Variants in SLC24A3 observed in about 807,000 individuals in gnomAD.
The protein encoded by SLC24A3 is sodium/potassium/calcium exchanger 3.
A neutral mutation model predicts 75.8 loss-of-function variants in SLC24A3; 28 were observed. The observed-to-expected ratio is 0.37, with a 90% CI of 0.27 to 0.51. SLC24A3 has a LOEUF of 0.51. SLC24A3 is among the 20% of genes least tolerant of loss of function. The pLI, the probability that SLC24A3 is intolerant of heterozygous loss-of-function variation, is 0.94. For synonymous variants in SLC24A3, 372 were observed against 334.1 expected (o/e 1.11, Z -1.24); for missense variants, 663 against 847.8 (o/e 0.78, Z 2.71).
chr20:19,260,856 C>G (rs1041438967), intron 1 of SLC24A3, among the ~76,000 whole-genome samples: 5 of 152,220 alleles, frequency 3.3e-5, no homozygotes, highest in African/African-American at 9.6e-5. Context: ...TGGACCGACA[C>G]GCTCCTCTTA....
At chr20:19,381,554 C>T (rs1986182239) in intron 2 of SLC24A3, among the ~76,000 whole-genome samples, 1 of 152,206 alleles carries the variant, frequency 6.6e-6, no homozygotes, top group Admixed American at 6.5e-5. Flanking sequence ...AAGGGGTGCC[C>T]TCCACTGTGT....
intron 2 of SLC24A3, among the ~76,000 whole-genome samples, chr20:19,360,194 C>A (rs1475999685): frequency 6.6e-6 from 1 of 152,196 alleles, no homozygotes; most frequent in Non-Finnish European, 1.5e-5. Flanking sequence ...TTGGGTTTTG[C>A]TGATACCATC....
At chr20:19,667,354 T>C (rs996125518) in intron 8 of SLC24A3, among the ~76,000 whole-genome samples, 2 of 152,178 alleles carry the variant, frequency 1.3e-5, no homozygotes, top group Admixed American at 1.3e-4. Flanking sequence ...GAGAACCTCC[T>C]TGTTATATCA....
In SLC24A3 at chr20:19,402,324, C is replaced by T. The variant is rs1045152249; in HGVS notation, c.272-113164C>T. Among the ~76,000 whole-genome samples the T allele has an allele frequency of 4.6e-5, 7 of 152,224 alleles. No homozygotes were observed. The East Asian group carries it at 7.7e-4, about 17-fold the overall frequency. On this transcript the variant is annotated intron_variant, in intron 2 of 16. Coordinates refer to ENST00000328041, the MANE Select transcript of SLC24A3 (RefSeq NM_020689.4). ...TTTCTCTCCAGCCTTTTTCCCCTAACGATTACAGGAATGTGAGTGAAGGAT... is the reference window on the plus strand; with the variant it reads ...TTTCTCTCCAGCCTTTTTCCCCTAATGATTACAGGAATGTGAGTGAAGGAT...
chr20:19,720,950 C>T (rs2033098727), intron 16 of SLC24A3, 41 bp from the exon 17 acceptor site: 1 of 1,608,444 alleles, frequency 6.2e-7, no homozygotes, highest in Non-Finnish European at 8.5e-7. Flanking sequence ...AAGGCTGCTG[C>T]CTCCTCCTGG....
intron 2 of SLC24A3, among the ~76,000 whole-genome samples, chr20:19,339,587 A>G (rs1423720825): frequency 6.6e-6 from 1 of 152,232 alleles, no homozygotes; most frequent in Admixed American, 6.5e-5. Context: ...TGCATTTCAC[A>G]TTGCCTCCCA....
rs1245038921 is a variant in SLC24A3 at position 19,279,332 on chromosome 20, G to A, written c.143-1627G>A. Reference sequence around the variant, plus strand: ...GGCAACTTTGGACATTCAAGAGGCAGCATTGCCTCAGGTCCCTTCTTCAGT... The same window carrying A: ...GGCAACTTTGGACATTCAAGAGGCAACATTGCCTCAGGTCCCTTCTTCAGT... On this transcript the variant is annotated intron_variant, in intron 1 of 16. Transcript: ENST00000328041. 2.6e-5 allele frequency among the ~76,000 whole-genome samples: 4 copies of A among 152,324 alleles called. No individual in the cohort carries two copies. The East Asian group carries it at 7.7e-4, about 29-fold the overall frequency.
intron 16 of SLC24A3, among the ~76,000 whole-genome samples, chr20:19,718,504 A>G (rs2180583): frequency 0.75 from 113,899 of 152,122 alleles, 42,927 homozygotes; most frequent in East Asian, 0.96. Context: ...ACTAAGATCA[A>G]CCTATTATAC....
At chr20:19,378,180 A>G (rs2064443) in intron 2 of SLC24A3, among the ~76,000 whole-genome samples, 75,436 of 151,922 alleles carry the variant, frequency 0.5, 19,050 homozygotes, top group Middle Eastern at 0.6. Flanking sequence ...TAGGTTGAGC[A>G]TGGTCACAAT....
chr20:19,604,792 C>T (rs1195946922), intron 6 of SLC24A3, among the ~76,000 whole-genome samples: 1 of 152,184 alleles, frequency 6.6e-6, no homozygotes, highest in Non-Finnish European at 1.5e-5. Flanking sequence ...TCTGCCTACC[C>T]TCCTCTCTCA....
At chr20:19,519,690 C>T (rs1241496174) in intron 3 of SLC24A3, among the ~76,000 whole-genome samples, 2 of 152,210 alleles carry the variant, frequency 1.3e-5, no homozygotes, top group Non-Finnish European at 2.9e-5. Context: ...AGGAAATTTG[C>T]ACCCTATAGA....
intron 6 of SLC24A3, among the ~76,000 whole-genome samples, chr20:19,642,272 T>A (rs2032085133): frequency 6.6e-6 from 1 of 152,256 alleles, no homozygotes; most frequent in South Asian, 2.1e-4. Context: ...TATTTGCAAA[T>A]GTTCACTGTT....
chr20:19,304,013 C>T (rs891167151), intron 2 of SLC24A3, among the ~76,000 whole-genome samples: 3 of 152,168 alleles, frequency 2.0e-5, no homozygotes, highest in African/African-American at 7.2e-5. Flanking sequence ...CTTCGAGGAT[C>T]CAAAACTAAC....
At position 19,638,212 on chromosome 20, in the gene SLC24A3, G is replaced by GCTCATTTT. The variant is rs199551712; in HGVS notation, c.613-15849_613-15842dup. Among the ~76,000 whole-genome samples the GCTCATTTT allele has an allele frequency of 5.1e-3, 778 of 152,126 alleles. 5 individuals are homozygous for GCTCATTTT. Among genetic ancestry groups the GCTCATTTT allele is most frequent in the African/African-American group, 0.016 (677 of 41,468 alleles). The stretch of plus-strand genomic sequence containing the variant: ...CTGTGTTAGTTAGCTGAGGATGATG[G>GCTCATTTT]CTCATTTTTCATAGTGGGATTCAAT... On this transcript the variant is annotated intron_variant, in intron 6 of 16. Coordinates refer to ENST00000328041, the MANE Select transcript of SLC24A3 (RefSeq NM_020689.4).
chr20:19,477,654 G>T (rs1193734480), intron 2 of SLC24A3, among the ~76,000 whole-genome samples: 1 of 152,126 alleles, frequency 6.6e-6, no homozygotes, highest in African/African-American at 2.4e-5. Flanking sequence ...GCTCCTCCTG[G>T]CAGTGCTATC....
chr20:19,605,731 C>T (rs558069355), intron 6 of SLC24A3, among the ~76,000 whole-genome samples: 18 of 152,288 alleles, frequency 1.2e-4, no homozygotes, highest in Admixed American at 8.5e-4. Context: ...CTTCAGTTTT[C>T]CCCTTGAATC....
At chr20:19,269,993 C>G (rs1394421691) in intron 1 of SLC24A3, among the ~76,000 whole-genome samples, 1 of 152,216 alleles carries the variant, frequency 6.6e-6, no homozygotes, top group Non-Finnish European at 1.5e-5. Context: ...TTCTTCGCTT[C>G]CATTCCTACG....
At chr20:19,465,622 A>C in intron 2 of SLC24A3, among the ~76,000 whole-genome samples, 1 of 152,146 alleles carries the variant, frequency 6.6e-6, no homozygotes, top group Admixed American at 6.6e-5. Flanking sequence ...CGGGAAAACA[A>C]GTTATGTTAT....
intron 1 of SLC24A3, among the ~76,000 whole-genome samples, chr20:19,250,567 G>T (rs1326497233): frequency 6.6e-6 from 1 of 152,174 alleles, no homozygotes; most frequent in Non-Finnish European, 1.5e-5. Context: ...TCTTTGCCTG[G>T]AGCATTAAAT....
Sources: allele counts gnomAD v4.1 joint callset (sites outside exome capture counted in the v4.1 genomes callset), GRCh38; gene constraint gnomAD v4.1.1; transcripts MANE v1.5; gene names NCBI Gene and HGNC (gene_info 2026-07-23, HGNC 2026-07-21).